CUL4A: variants seen among roughly 807,000 people sequenced by gnomAD.
The protein encoded by CUL4A is cullin-4A.
In CUL4A, 16 loss-of-function variants were observed where a neutral mutation model predicts 95.5. The observed-to-expected ratio is 0.17, with a 90% CI of 0.11 to 0.25. The LOEUF (loss-of-function observed/expected upper bound fraction) is 0.25, where lower values mean the gene tolerates loss of function less well. Among genes scored for constraint, CUL4A ranks in the 10% least tolerant of loss-of-function variants. The pLI is 1.00. For synonymous variants in CUL4A, 380 were observed against 353.1 expected, an observed-to-expected ratio of 1.08 and a Z score of -0.85; for missense variants, 610 against 937.0, an observed-to-expected ratio of 0.65 and a Z score of 4.56.
chr13:113,227,830 G>C, intron 3 of CUL4A, 146 bp from the exon 4 acceptor site: 1 of 476,486 alleles, frequency 2.1e-6, no homozygotes, highest in Non-Finnish European at 3.8e-6. Context: ...GCTTGAACCT[G>C]GGAGGCAGAG....
At chr13:113,214,028 A>G (rs1444492896) in intron 2 of CUL4A, among the ~76,000 whole-genome samples, 1 of 152,256 alleles carries the variant, frequency 6.6e-6, no homozygotes, top group Non-Finnish European at 1.5e-5. Flanking sequence ...GTGTTTCAAA[A>G]TAAAGTCTCA....
intron 1 of CUL4A, 85 bp from the exon 2 acceptor site, chr13:113,209,888 G>T (rs1052364232): frequency 7.2e-5 from 86 of 1,201,842 alleles, no homozygotes; most frequent in Non-Finnish European, 1.5e-5. Context: ...GAGCGGGGGC[G>T]CCGGGGCGCC....
At chr13:113,219,808 G>A (rs185538235) in intron 3 of CUL4A, 6 of 152,338 alleles carry the variant, frequency 3.9e-5, no homozygotes, top group Admixed American at 1.3e-4. Context: ...TGGGGACAGG[G>A]CAGGAGCATC....
intron 2 of CUL4A, among the ~76,000 whole-genome samples, chr13:113,216,236 G>T (rs2040687973): frequency 6.6e-6 from 1 of 152,228 alleles, no homozygotes; most frequent in South Asian, 2.1e-4. Context: ...ACAGCTCCAT[G>T]GCCTTCCTTG....
At chr13:113,248,716 T>C (rs530719684) in intron 15 of CUL4A, among the ~76,000 whole-genome samples, 42 of 152,308 alleles carry the variant, frequency 2.8e-4, no homozygotes, top group Non-Finnish European at 7.3e-5. Context: ...AACCTATGCA[T>C]ACTCTCCCAT....
chr13:113,258,288 G>A (rs2042185190), intron 18 of CUL4A, among the ~76,000 whole-genome samples: 1 of 152,128 alleles, frequency 6.6e-6, no homozygotes. Context: ...ACCGTGCCCG[G>A]CACCAGGTTC....
At chr13:113,241,739 T>C (rs950868143) in intron 10 of CUL4A, among the ~76,000 whole-genome samples, 4 of 151,982 alleles carry the variant, frequency 2.6e-5, no homozygotes, top group Non-Finnish European at 5.9e-5. Flanking sequence ...GTCTTGGAAC[T>C]CCAGACCTTG....
upstream of CUL4A, chr13:113,209,008 T>C (rs1595318186): frequency 1.4e-6 from 1 of 737,016 alleles, no homozygotes; most frequent in Non-Finnish European, 1.7e-6. Flanking sequence ...CGCGCCTGGC[T>C]GGGCCAGGGC....
chr13:113,266,801 A>G lies in CUL4A; in HGVS notation c.*3219A>G, dbSNP rs1344955264. ...CCTTTTTATACTAAGGGAAGTTCCA[A>G]GTGGTCAAGTATTTACGTGTAAAAA... On this transcript the variant is annotated 3_prime_UTR_variant, in exon 20 of 20. Transcript: ENST00000375440. 2 of 152,240 alleles carry G rather than the reference A, an allele frequency of 1.3e-5. No homozygotes were observed. The highest frequency in any genetic ancestry group is 2.9e-5 in the Non-Finnish European group (2 of 68,040). 9.4% of individuals were successfully genotyped at this position (152,240 alleles called of 1,614,324 possible).
At chr13:113,212,539 T>A (rs963124382) in intron 2 of CUL4A, among the ~76,000 whole-genome samples, 1 of 152,324 alleles carries the variant, frequency 6.6e-6, no homozygotes, top group African/African-American at 2.4e-5. Context: ...TCCCAGCACT[T>A]TGGGAGGCCA....
chr13:113,229,183 A>ATC (rs1482348267), intron 4 of CUL4A, among the ~76,000 whole-genome samples: 2 of 152,160 alleles, frequency 1.3e-5, no homozygotes, highest in African/African-American at 4.8e-5. Flanking sequence ...TGAACACAGG[A>ATC]TCTCTTTAAA....
intron 2 of CUL4A, among the ~76,000 whole-genome samples, chr13:113,213,528 A>T (rs549940799): frequency 6.6e-6 from 1 of 152,230 alleles, no homozygotes; most frequent in East Asian, 1.9e-4. Context: ...GGTTTAATAA[A>T]ATATGATACC....
chr13:113,231,982 A>G lies in CUL4A; in HGVS notation c.513-1195A>G, dbSNP rs1193806486. Among the ~76,000 whole-genome samples, 5 of 129,774 alleles carry G rather than the reference A, an allele frequency of 3.9e-5. No individual in the cohort carries two copies. The East Asian group carries it at 1.0e-3, about 26-fold the overall frequency. The allele number at this position is 129,774 out of a possible 152,430, so 85.1% of individuals were successfully genotyped here. On this transcript the variant is annotated intron_variant, in intron 5 of 19. Coordinates refer to ENST00000375440, the MANE Select transcript of CUL4A (RefSeq NM_001008895.4). ...CCATAATATTATTAATAATACTACCACCACCACCCGCCTACCACTGTTACT... is the reference window on the plus strand; with the variant it reads ...CCATAATATTATTAATAATACTACCGCCACCACCCGCCTACCACTGTTACT...
chr13:113,261,696 G>A (rs968335014), intron 19 of CUL4A, among the ~76,000 whole-genome samples: 4 of 152,008 alleles, frequency 2.6e-5, no homozygotes, highest in Admixed American at 1.3e-4. Flanking sequence ...CTCTGCTCTC[G>A]GGTAGAGAGT....
intron 18 of CUL4A, among the ~76,000 whole-genome samples, chr13:113,258,488 C>G (rs1028718668): frequency 6.6e-6 from 1 of 152,072 alleles, no homozygotes; most frequent in Non-Finnish European, 1.5e-5. Context: ...TAAATACATA[C>G]AAATCTTTTT....
At chr13:113,217,126 T>G (rs544598951) in intron 2 of CUL4A, among the ~76,000 whole-genome samples, 2 of 152,308 alleles carry the variant, frequency 1.3e-5, no homozygotes, top group South Asian at 4.1e-4. Context: ...GGTCCTAAGT[T>G]ACTGTTGATT....
intron 8 of CUL4A, among the ~76,000 whole-genome samples, chr13:113,236,208 C>T (rs2041539405): frequency 6.6e-6 from 1 of 152,144 alleles, no homozygotes; most frequent in African/African-American, 2.4e-5. Context: ...GTCACTTAGA[C>T]GTGTGGAGTT....
At chr13:113,228,103 T>A in intron 4 of CUL4A, 58 bp downstream of exon 4, 1 of 1,268,586 alleles carries the variant, frequency 7.9e-7, no homozygotes, top group Non-Finnish European at 1.2e-6. Flanking sequence ...CTCACCCACA[T>A]GATTGAGAGC....
intron 5 of CUL4A, among the ~76,000 whole-genome samples, chr13:113,232,576 G>T (rs1406245908): frequency 5.3e-5 from 8 of 152,248 alleles, no homozygotes; most frequent in African/African-American, 1.7e-4. Flanking sequence ...CACAAGATGG[G>T]TTTTGTGGAC....
Sources: allele counts gnomAD v4.1 joint callset (sites outside exome capture counted in the v4.1 genomes callset), GRCh38; gene constraint gnomAD v4.1.1; transcripts MANE v1.5; gene names NCBI Gene and HGNC (gene_info 2026-07-23, HGNC 2026-07-21).